DAB1: variants seen among roughly 807,000 people sequenced by gnomAD.
The protein encoded by DAB1 is DAB adaptor protein 1, also known as disabled homolog 1.
In DAB1, 15 loss-of-function variants were observed where a neutral mutation model predicts 64.6. The observed-to-expected ratio is 0.23, with a 90% confidence interval of 0.16 to 0.36. The LOEUF (loss-of-function observed/expected upper bound fraction) is 0.36, where lower values mean the gene tolerates loss of function less well. Ranked by LOEUF, DAB1 falls within the 10% of genes least tolerant of loss-of-function variation. The pLI, the probability that DAB1 is intolerant of heterozygous loss-of-function variation, is 1.00. For missense variants in DAB1, 596 were observed against 706.7 expected, an observed-to-expected ratio of 0.84 and a Z score of 1.78; for synonymous variants, 235 against 251.9, an observed-to-expected ratio of 0.93 and a Z score of 0.64.
chr1:57,655,464 C>G (rs1304095141), intron 6 of DAB1, among the ~76,000 whole-genome samples: 1 of 152,040 alleles, frequency 6.6e-6, no homozygotes, highest in Non-Finnish European at 1.5e-5. Flanking sequence ...ACCCATCTAT[C>G]CTTCCATCCA....
At chr1:57,274,058 G>A (rs1671263543) in intron 2 of DAB1, among the ~76,000 whole-genome samples, 1 of 152,124 alleles carries the variant, frequency 6.6e-6, no homozygotes, top group East Asian at 1.9e-4. Context: ...TTCACCCATC[G>A]AGATGGATAA....
intron 4 of DAB1, among the ~76,000 whole-genome samples, chr1:57,073,513 C>T (rs1330756179): frequency 6.6e-6 from 1 of 152,108 alleles, no homozygotes; most frequent in Admixed American, 6.6e-5. Context: ...TGAAACAATC[C>T]TCATTCAACA....
rs192115507 is a variant in DAB1, at chr1:57,482,886, C to G, written n.625+166706G>C. On this transcript the variant is annotated intron_variant and non_coding_transcript_variant, in intron 7 of 20. Coordinates refer to the DAB1 transcript ENST00000485760. ...GTTTACAGTCTTTCAAATGTACTAC[C>G]CTGTCTTACTTCAACACAAAAGAGA... 2.5e-3 allele frequency among the ~76,000 whole-genome samples: 374 copies of G among 152,182 alleles called. 3 individuals are homozygous for G. Among genetic ancestry groups the G allele is most frequent in the African/African-American group, 8.4e-3 (350 of 41,530 alleles).
intron 1 of DAB1, among the ~76,000 whole-genome samples, chr1:57,881,134 T>G (rs903236032): frequency 2.0e-5 from 3 of 152,174 alleles, no homozygotes; most frequent in Admixed American, 1.3e-4. Flanking sequence ...TAAATTAGAC[T>G]GTGCACATGA....
chr1:58,222,883 A>G (rs1303312420), intron 4 of DAB1, among the ~76,000 whole-genome samples: 1 of 152,152 alleles, frequency 6.6e-6, no homozygotes, highest in Non-Finnish European at 1.5e-5. Context: ...GTATTATCCC[A>G]TTTTACAGCT....
chr1:57,599,742 G>T (rs1645554178), intron 7 of DAB1, among the ~76,000 whole-genome samples: 1 of 152,070 alleles, frequency 6.6e-6, no homozygotes, highest in Non-Finnish European at 1.5e-5. Flanking sequence ...TTGGTAACAG[G>T]CTGTACATAG....
At chr1:58,486,360 C>T (rs564940315) in intron 3 of DAB1, among the ~76,000 whole-genome samples, 2 of 152,160 alleles carry the variant, frequency 1.3e-5, no homozygotes, top group Non-Finnish European at 2.9e-5. Context: ...ACTCCTAAGA[C>T]CACTGTTATC....
At chr1:57,386,277 C>T (rs1443743277) in intron 1 of DAB1, among the ~76,000 whole-genome samples, 1 of 151,222 alleles carries the variant, frequency 6.6e-6, no homozygotes, top group South Asian at 2.1e-4. Context: ...TTCAAGGAAC[C>T]TCCACACTAG....
chr1:57,708,665 C>T (rs553582206), intron 6 of DAB1, among the ~76,000 whole-genome samples: 6 of 152,302 alleles, frequency 3.9e-5, no homozygotes, highest in Non-Finnish European at 8.8e-5. Flanking sequence ...GGTCTGAAGG[C>T]TCCTGTCCTG....
At chr1:58,094,855 C>T (rs919091697) in intron 5 of DAB1, among the ~76,000 whole-genome samples, 2 of 152,168 alleles carry the variant, frequency 1.3e-5, no homozygotes, top group Non-Finnish European at 2.9e-5. Context: ...GGGATGTAGG[C>T]CTGAGATGTT....
chr1:58,049,826 A>C (rs1317525893), intron 5 of DAB1, among the ~76,000 whole-genome samples: 1 of 151,960 alleles, frequency 6.6e-6, no homozygotes, highest in Non-Finnish European at 1.5e-5. Flanking sequence ...GCATATGCAC[A>C]CACACACACA....
intron 5 of DAB1, among the ~76,000 whole-genome samples, chr1:57,890,559 A>T (rs2101981734): frequency 6.6e-6 from 1 of 150,658 alleles, no homozygotes; most frequent in East Asian, 2.0e-4. Flanking sequence ...AGGCCCAAAC[A>T]ATCCTCTTCC....
At chr1:58,412,905 A>G (rs1382235529) in intron 3 of DAB1, among the ~76,000 whole-genome samples, 2 of 152,212 alleles carry the variant, frequency 1.3e-5, no homozygotes, top group Non-Finnish European at 2.9e-5. Flanking sequence ...TTAGGCTGGA[A>G]TAAGAGAATG....
chr1:58,016,005 T>TGG (rs747636860), intron 5 of DAB1, among the ~76,000 whole-genome samples: 66 of 151,144 alleles, frequency 4.4e-4, no homozygotes, highest in African/African-American at 1.4e-3. Flanking sequence ...ACAAACAGCC[T>TGG]AGGGGGGGGT....
Position 57,625,465 on chromosome 1 carries a change from G to T in DAB1, n.625+24127C>A, listed in dbSNP as rs151001260. ...CATTTCTGCCCTTGTAGGCCTCAGG[G>T]TTTTATGGGGGAGGCAAACAACCCT... On this transcript the variant is annotated intron_variant and non_coding_transcript_variant, in intron 7 of 20. Coordinates refer to the DAB1 transcript ENST00000485760. Among the ~76,000 whole-genome samples the T allele has an allele frequency of 2.5e-3, 379 of 152,212 alleles. 2 individuals carry two copies. Among genetic ancestry groups the T allele is most frequent in the African/African-American group, 8.2e-3 (342 of 41,522 alleles).
intron 5 of DAB1, among the ~76,000 whole-genome samples, chr1:58,094,229 G>A (rs1650853364): frequency 6.6e-6 from 1 of 152,060 alleles, no homozygotes; most frequent in African/African-American, 2.4e-5. Flanking sequence ...TTAATCTCTG[G>A]GTGCCTCACA....
Position 57,878,766 on chromosome 1 carries a change from A to G in DAB1, n.87+5233T>C, listed in dbSNP as rs935879540. The G allele has an allele frequency of 3.9e-5, 6 of 152,224 alleles. No homozygotes were observed. In the South Asian group the frequency reaches 1.0e-3, roughly 26 times the overall value. The allele number at this position is 152,224 out of a possible 1,614,324, so 9.4% of individuals were successfully genotyped here. ...ACCCAACAGTGCTGTAGAACACTAG[A>G]ACTTTTTTCTCCTATCTAGCTGTAA... is the stretch of plus-strand genomic sequence containing the variant. On this transcript the variant is annotated intron_variant and non_coding_transcript_variant, in intron 1 of 1. Coordinates refer to the DAB1 transcript ENST00000477280.
chr1:58,396,926 G>T (rs1644528391), intron 3 of DAB1, among the ~76,000 whole-genome samples: 1 of 152,060 alleles, frequency 6.6e-6, no homozygotes, highest in South Asian at 2.1e-4. Flanking sequence ...CTAGCCGGGC[G>T]TAGTGGTGGG....
At chr1:57,252,384 C>T (rs1228816483) in intron 2 of DAB1, among the ~76,000 whole-genome samples, 1 of 152,120 alleles carries the variant, frequency 6.6e-6, no homozygotes, top group Non-Finnish European at 1.5e-5. Context: ...TATTTGATTC[C>T]ATTGATAATA....
Sources: gnomAD v4.1 joint callset for allele counts (sites outside exome capture counted in the v4.1 genomes callset) on GRCh38, gnomAD v4.1.1 for gene constraint, MANE v1.5 for transcripts, NCBI Gene and HGNC (gene_info 2026-07-23, HGNC 2026-07-21) for gene names.